Variants in SBF2 observed in about 807,000 individuals in gnomAD.
SBF2 encodes SET binding factor 2, also known as myotubularin-related protein 13.
SBF2 carries 112 observed loss-of-function variants against 225.2 expected under a neutral mutation model. The observed-to-expected ratio is 0.50, with a 90% CI of 0.43 to 0.58. SBF2 has a LOEUF of 0.58. SBF2 is among the 20% of genes least tolerant of loss of function. SBF2 has a pLI of 0.00. For missense variants in SBF2, 1,996 were observed against 2,206.2 expected, an observed-to-expected ratio of 0.90 and a Z score of 1.91; for synonymous variants, 763 against 773.3, an observed-to-expected ratio of 0.99 and a Z score of 0.22.
At chr11:9,905,827 G>C (rs1228982742) in intron 16 of SBF2, among the ~76,000 whole-genome samples, 1 of 152,212 alleles carries the variant, frequency 6.6e-6, no homozygotes, top group Non-Finnish European at 1.5e-5. Context: ...TGAGAAAGGA[G>C]AGGGAGAAAA....
chr11:9,916,112 A>G (rs1479169707), intron 16 of SBF2, among the ~76,000 whole-genome samples: 1 of 152,168 alleles, frequency 6.6e-6, no homozygotes, highest in Non-Finnish European at 1.5e-5. Context: ...AGCATTTTAA[A>G]TCTATGAGCT....
chr11:9,789,400 T>G (rs2133859073), intron 34 of SBF2, 58 bp from the exon 35 acceptor site: 1 of 1,287,048 alleles, frequency 7.8e-7, no homozygotes, highest in East Asian at 2.3e-5. Flanking sequence ...CCAAGCTCAC[T>G]GTCAGGCAAA....
intron 1 of SBF2, among the ~76,000 whole-genome samples, chr11:10,285,078 G>A (rs927792442): frequency 1.3e-5 from 2 of 152,128 alleles, no homozygotes; most frequent in African/African-American, 4.8e-5. Context: ...GGGAAGTTCA[G>A]GCAAAAGGAC....
At chr11:9,801,547 G>A (rs1305313085) in intron 32 of SBF2, among the ~76,000 whole-genome samples, 2 of 152,162 alleles carry the variant, frequency 1.3e-5, no homozygotes, top group African/African-American at 2.4e-5. Context: ...ACATCAACAC[G>A]TGAAAACCTG....
Position 10,029,863 on chromosome 11 carries a change from A to T in SBF2, c.415T>A (p.Leu139Met), listed in dbSNP as rs146361949. ...YPEIFRACLG[L>M]IYTVYVDSLN... ...CTGTCCACATACACGGTATAGATCAAACCCAGGCAAGCCTGCAAAAAGATA... is the reference window on the plus strand; with the variant it reads ...CTGTCCACATACACGGTATAGATCATACCCAGGCAAGCCTGCAAAAAGATA... The change falls in exon 5 of 40, where the codon TTG becomes ATG. Residue 139 changes from leucine (L) to methionine (M), a missense_variant. Coordinates refer to ENST00000256190, the MANE Select transcript of SBF2 (RefSeq NM_030962.4). 16 of 1,611,532 alleles carry T rather than the reference A, an allele frequency of 9.9e-6. No homozygotes were observed. In the East Asian group the frequency reaches 3.3e-4, roughly 34 times the overall value.
At chr11:9,797,745 A>G (rs1853215170) in intron 32 of SBF2, among the ~76,000 whole-genome samples, 1 of 152,186 alleles carries the variant, frequency 6.6e-6, no homozygotes, top group Non-Finnish European at 1.5e-5. Context: ...CCAAGGTGGA[A>G]GGATCTCGAG....
chr11:9,926,802 G>C (rs960032755), intron 16 of SBF2, among the ~76,000 whole-genome samples: 4 of 152,044 alleles, frequency 2.6e-5, no homozygotes, highest in African/African-American at 7.2e-5. Context: ...AAAGAAGAAA[G>C]GTTTCAAATC....
chr11:10,241,079 G>A (rs949841713), intron 1 of SBF2, among the ~76,000 whole-genome samples: 2 of 152,104 alleles, frequency 1.3e-5, no homozygotes, highest in Non-Finnish European at 2.9e-5. Flanking sequence ...GGCCAGGAGC[G>A]GTAGCTCATG....
At chr11:9,949,358 G>A (rs1262819837) in intron 16 of SBF2, among the ~76,000 whole-genome samples, 3 of 152,062 alleles carry the variant, frequency 2.0e-5, no homozygotes, top group African/African-American at 7.2e-5. Flanking sequence ...ATTGTTAATA[G>A]TGTAATAGTA....
intron 24 of SBF2, among the ~76,000 whole-genome samples, chr11:9,843,460 C>G (rs1856310046): frequency 6.6e-6 from 1 of 152,162 alleles, no homozygotes; most frequent in Non-Finnish European, 1.5e-5. Flanking sequence ...TTTATTTATT[C>G]AAACAATTTA....
chr11:10,265,432 G>GT (rs1289764002), intron 1 of SBF2, among the ~76,000 whole-genome samples: 1 of 121,434 alleles, frequency 8.2e-6, no homozygotes, highest in Non-Finnish European at 1.6e-5. Context: ...TGATGGGGTT[G>GT]TTTTTTTCTT....
At chr11:10,058,552 A>G (rs774640732) in intron 2 of SBF2, among the ~76,000 whole-genome samples, 1 of 152,170 alleles carries the variant, frequency 6.6e-6, no homozygotes, top group Non-Finnish European at 1.5e-5. Flanking sequence ...GCATCTCTGA[A>G]ATGGAGGGGG....
chr11:10,298,346 G>A (rs369400263), upstream of SBF2, among the ~76,000 whole-genome samples: 15 of 152,276 alleles, frequency 9.9e-5, no homozygotes, highest in East Asian at 1.9e-3. Context: ...AGCCAAGATC[G>A]CGCCATTGCA....
At chr11:9,788,985 TCATAAC>T in intron 35 of SBF2, 118 bp downstream of exon 35, 1 of 816,704 alleles carries the variant, frequency 1.2e-6, no homozygotes, top group Middle Eastern at 3.3e-4. Context: ...TCTGGTTTCT[TCATAAC>T]CATAACCCTA....
chr11:9,783,231 C>T (rs745386443), intron 38 of SBF2: 2 of 152,128 alleles, frequency 1.3e-5, no homozygotes, highest in Non-Finnish European at 2.9e-5. Flanking sequence ...CAGAGTATAG[C>T]TCCCTAACAG....
In SBF2 at chr11:10,145,188, G is replaced by A. The variant is rs1427965039; in HGVS notation, c.141+48714C>T. Among the ~76,000 whole-genome samples the A allele has an allele frequency of 2.0e-5, 3 of 152,160 alleles. No individual in the cohort carries two copies. The South Asian group carries it at 6.2e-4, about 32-fold the overall frequency. ...TGAGGCTGGAATCATCTTAAGTCTT[G>A]TCCACTCATACGCCTGGCACCTGGG... On this transcript the variant is annotated intron_variant, in intron 2 of 39. Transcript: ENST00000256190.
At chr11:9,896,671 C>A (rs1184693809) in intron 16 of SBF2, among the ~76,000 whole-genome samples, 3 of 151,976 alleles carry the variant, frequency 2.0e-5, no homozygotes, top group Non-Finnish European at 4.4e-5. Context: ...CGCCTGTAAT[C>A]CCAGCTACTT....
Position 10,150,039 on chromosome 11 carries a change from G to A in SBF2, c.141+43863C>T, listed in dbSNP as rs375538160. 1.6e-4 allele frequency among the ~76,000 whole-genome samples: 25 copies of A among 152,190 alleles called. No individual in the cohort carries two copies. The East Asian group carries it at 4.1e-3, about 25-fold the overall frequency. ...CCCCACCTAATACAAGAGGAAGTAC[G>A]TCTAACAGTATGCCACAGAAGAGAG... On this transcript the variant is annotated intron_variant, in intron 2 of 39. Transcript: ENST00000256190.
At chr11:10,225,009 G>A (rs894003225) in intron 1 of SBF2, among the ~76,000 whole-genome samples, 2 of 152,090 alleles carry the variant, frequency 1.3e-5, no homozygotes, top group African/African-American at 4.8e-5. Context: ...TTCAAATAGT[G>A]TTTCATTTTA....
Sources: allele counts gnomAD v4.1 joint callset (sites outside exome capture counted in the v4.1 genomes callset), GRCh38; gene constraint gnomAD v4.1.1; transcripts MANE v1.5; gene names NCBI Gene and HGNC (gene_info 2026-07-23, HGNC 2026-07-21).